AP1S2: variants seen among roughly 807,000 people sequenced by gnomAD.
AP1S2 encodes adaptor related protein complex 1 subunit sigma 2, also known as AP-1 complex subunit sigma-2.
Under a neutral mutation model 14.3 loss-of-function variants are expected in AP1S2, and 1 was observed. That is an observed-to-expected ratio of 0.07 (90% CI 0.02 to 0.33). The LOEUF (loss-of-function observed/expected upper bound fraction) is 0.33, where lower values mean the gene tolerates loss of function less well. Ranked by LOEUF, AP1S2 falls within the 10% of genes least tolerant of loss-of-function variation. AP1S2 has a pLI of 0.99. For missense variants in AP1S2, 30 were observed against 117.7 expected, an observed-to-expected ratio of 0.25 and a Z score of 3.45; for synonymous variants, 30 against 40.5, an observed-to-expected ratio of 0.74 and a Z score of 0.99.
In AP1S2 at chrX:15,846,151, A is replaced by C. The variant is rs982292733; in HGVS notation, c.180-140T>G. ...ACGACAGTACAGATTTTTCTCATAG[A>C]CTACAAAAGTAATAAACGCATAACA... is the stretch of plus-strand genomic sequence containing the variant. On this transcript the variant is annotated intron_variant, in intron 2 of 5. Transcript: ENST00000672987. 20 of 487,311 alleles carry C rather than the reference A, an allele frequency of 4.1e-5. No homozygotes were observed. The East Asian group carries it at 5.5e-4, about 14-fold the overall frequency. 40.2% of individuals were successfully genotyped at this position (487,311 alleles called of 1,213,427 possible). A position where few individuals can be genotyped will look rare whatever the true frequency, so the allele number is the denominator to read the frequency against.
chrX:15,841,535 T>C (rs1933832376), intron 4 of AP1S2, among the ~76,000 whole-genome samples: 1 of 112,219 alleles, frequency 8.9e-6, no homozygotes, highest in African/African-American at 3.2e-5. Flanking sequence ...AATCATTTCA[T>C]GAAATTGATT....
At chrX:15,841,843 A>G (rs1229638060) in intron 4 of AP1S2, among the ~76,000 whole-genome samples, 8 of 111,496 alleles carry the variant, frequency 7.2e-5, no homozygotes, top group Admixed American at 6.6e-4. Context: ...TTTAAAATAT[A>G]TATACCAAGA....
intron 4 of AP1S2, among the ~76,000 whole-genome samples, chrX:15,828,535 A>G (rs1045589708): frequency 6.3e-5 from 7 of 111,891 alleles, no homozygotes; most frequent in African/African-American, 2.3e-4. Flanking sequence ...ATGACCTTTT[A>G]GTATGTCTGC....
chrX:15,848,780 G>A (rs1934075330), intron 2 of AP1S2, among the ~76,000 whole-genome samples: 1 of 111,931 alleles, frequency 8.9e-6, no homozygotes, highest in African/African-American at 3.2e-5. Context: ...ATCTGAAAGT[G>A]CCTATTCTTA....
Position 15,827,368 on chromosome X carries a change from G to A in AP1S2, c.440C>T (p.Ala147Val). ...ADLLQEDAKE[A>V]ETPRSVLEEI... is the part of the protein sequence containing the mutation. Reference sequence around the variant, plus strand: ...TTCAAGAACACTACGTGGGGTTTCAGCTTCCTGTGGAGGGAAAATGTGAGA... The same window carrying A: ...TTCAAGAACACTACGTGGGGTTTCAACTTCCTGTGGAGGGAAAATGTGAGA... Residue 147 changes from alanine to valine, a missense_variant, in exon 6 of 6, where the codon GCT (alanine) becomes GTT (valine). By Grantham distance (64) the Ala-to-Val change is moderately conservative. Coordinates refer to ENST00000672987, the MANE Select transcript of AP1S2 (RefSeq NM_001272071.2). 1.7e-6 allele frequency: 2 copies of A among 1,206,567 alleles called. No individual in the cohort carries two copies. Among genetic ancestry groups the A allele is most frequent in the Non-Finnish European group, 2.2e-6 (2 of 890,653 alleles).
intron 2 of AP1S2, among the ~76,000 whole-genome samples, chrX:15,850,326 C>T (rs776474326): frequency 9.1e-6 from 1 of 110,158 alleles, no homozygotes; most frequent in East Asian, 2.8e-4. Flanking sequence ...GGAGATCACC[C>T]CACTCCTCCC....
intron 4 of AP1S2, among the ~76,000 whole-genome samples, chrX:15,834,481 A>ATATATATTTT (rs1569080380): frequency 7.7e-5 from 1 of 13,010 alleles, no homozygotes; most frequent in Non-Finnish European, 1.2e-4. Context: ...TATATATATA[A>ATATATATTTT]TTTTTTTTTT....
intron 2 of AP1S2, 61 bp from the exon 3 acceptor site, chrX:15,846,072 T>C: frequency 2.4e-6 from 2 of 837,000 alleles, no homozygotes; most frequent in South Asian, 2.0e-5. Flanking sequence ...TCTAAATATA[T>C]TTTCATATCC....
intron 4 of AP1S2, among the ~76,000 whole-genome samples, chrX:15,834,456 A>G (rs1933543302): frequency 3.3e-5 from 1 of 30,630 alleles, no homozygotes; most frequent in African/African-American, 1.7e-4. Flanking sequence ...ATATATATAT[A>G]TATATATATA....
In AP1S2 at chrX:15,826,988, T is replaced by A; in HGVS notation, c.*337A>T. 1 of 175,531 alleles carries A rather than the reference T, an allele frequency of 5.7e-6. No individual in the cohort carries two copies. The highest frequency in any genetic ancestry group is 3.0e-5 in the African/African-American group (1 of 33,689). 14.5% of individuals were successfully genotyped at this position (175,531 alleles called of 1,213,427 possible). ...TAAGAGTTTCCTTTGTCAAATACAG[T>A]AATTAATAAATGTATACTGCCTGAT... On this transcript the variant is annotated 3_prime_UTR_variant, in exon 6 of 6. Transcript: ENST00000672987.
chrX:15,844,224 T>C (rs1366733352), intron 4 of AP1S2, among the ~76,000 whole-genome samples: 1 of 112,255 alleles, frequency 8.9e-6, no homozygotes, highest in Admixed American at 9.4e-5. Flanking sequence ...GTCCAAGAGT[T>C]AAGAAGTTAA....
rs151337282 is a variant in AP1S2 at position 15,851,300 on chromosome X, G to T, written c.179+1046C>A. The stretch of plus-strand genomic sequence containing the variant: ...ATAAAGAGGAGTCCTCAGTATTTAA[G>T]AAACTTATGTCTTGTAATCTCCATT... On this transcript the variant is annotated intron_variant, in intron 2 of 5. Transcript: ENST00000672987. 3.1e-4 allele frequency among the ~76,000 whole-genome samples: 35 copies of T among 112,058 alleles called. No individual in the cohort carries two copies. In the East Asian group the frequency reaches 9.2e-3, roughly 30 times the overall value.
chrX:15,836,450 C>T (rs1214264638), intron 4 of AP1S2, among the ~76,000 whole-genome samples: 2 of 112,514 alleles, frequency 1.8e-5, no homozygotes, highest in African/African-American at 6.5e-5. Context: ...ATTTCTATTA[C>T]ACTTGTCTTA....
intron 4 of AP1S2, among the ~76,000 whole-genome samples, chrX:15,834,480 A>ATATAT (rs1483118039): frequency 3.5e-3 from 71 of 20,296 alleles, no homozygotes; most frequent in East Asian, 5.5e-3. Context: ...ATATATATAT[A>ATATAT]ATTTTTTTTT....
intron 4 of AP1S2, among the ~76,000 whole-genome samples, chrX:15,834,481 A>ATATATATATAAT (rs1569080380): frequency 3.6e-3 from 47 of 12,988 alleles, no homozygotes; most frequent in African/African-American, 0.012. Flanking sequence ...TATATATATA[A>ATATATATATAAT]TTTTTTTTTT....
chrX:15,844,399 A>G (rs1933936926), intron 4 of AP1S2, among the ~76,000 whole-genome samples: 1 of 112,873 alleles, frequency 8.9e-6, no homozygotes, highest in African/African-American at 3.2e-5. Flanking sequence ...TAAACTGGAA[A>G]TACAAAATCA....
chrX:15,837,631 G>A (rs1001627441), intron 4 of AP1S2, among the ~76,000 whole-genome samples: 2 of 92,217 alleles, frequency 2.2e-5, no homozygotes, highest in Non-Finnish European at 4.2e-5. Context: ...TTTTTGAGAC[G>A]GAGTCTTACT....
intron 4 of AP1S2, among the ~76,000 whole-genome samples, chrX:15,840,055 C>T (rs1227404490): frequency 9.0e-6 from 1 of 111,550 alleles, no homozygotes; most frequent in Non-Finnish European, 1.9e-5. Context: ...ATTTTAGCAG[C>T]GCTAATCCTC....
At chrX:15,840,139 T>G (rs1331987262) in intron 4 of AP1S2, among the ~76,000 whole-genome samples, 1 of 112,186 alleles carries the variant, frequency 8.9e-6, no homozygotes, top group Non-Finnish European at 1.9e-5. Context: ...AAGTGGATCA[T>G]CTCAAAGTAA....
Sources: allele counts gnomAD v4.1 joint callset (sites outside exome capture counted in the v4.1 genomes callset), GRCh38; gene constraint gnomAD v4.1.1; transcripts MANE v1.5; gene names NCBI Gene and HGNC (gene_info 2026-07-23, HGNC 2026-07-21).